Variants in CCDC122 observed in about 807,000 individuals in gnomAD.
CCDC122 encodes the protein coiled-coil domain containing 122.
In CCDC122, 38 loss-of-function variants were observed where a neutral mutation model predicts 37.0. That is an observed-to-expected ratio of 1.03 (90% CI 0.79 to 1.35). The LOEUF (loss-of-function observed/expected upper bound fraction) is 1.35, where lower values mean the gene tolerates loss of function less well. CCDC122 is among the 40% of genes most tolerant of loss of function. The pLI is 0.00. For missense variants in CCDC122, 305 were observed against 310.0 expected (o/e 0.98, Z 0.12); for synonymous variants, 83 against 95.6 (o/e 0.87, Z 0.77).
chr13:43,855,515 G>A (rs1331201437), intron 6 of CCDC122: 1 of 151,982 alleles, frequency 6.6e-6, no homozygotes, highest in African/African-American at 2.4e-5. Context: ...TCATGGATAG[G>A]AAGAATCAGT....
chr13:43,868,354 C>G (rs1594855489), intron 4 of CCDC122, among the ~76,000 whole-genome samples: 1 of 152,228 alleles, frequency 6.6e-6, no homozygotes, highest in East Asian at 1.9e-4. Context: ...AACTCACAAT[C>G]CATAGCTTTA....
intron 1 of CCDC122, among the ~76,000 whole-genome samples, chr13:43,876,534 C>T (rs113151222): frequency 6.6e-6 from 1 of 152,206 alleles, no homozygotes; most frequent in African/African-American, 2.4e-5. Context: ...AACCACTTAA[C>T]TCACTCTATT....
chr13:43,869,576 A>G (rs956753231), intron 2 of CCDC122, 87 bp from the exon 3 acceptor site: 10 of 509,356 alleles, frequency 2.0e-5, no homozygotes, highest in Non-Finnish European at 3.1e-5. Context: ...ACAATGGTTA[A>G]GTGATTTTGG....
At chr13:43,848,647 T>C (rs1000350601) in intron 6 of CCDC122, 9 of 177,306 alleles carry the variant, frequency 5.1e-5, no homozygotes, top group African/African-American at 2.1e-4. Flanking sequence ...TTGAAAAGGC[T>C]CTTTTCATTC....
At chr13:43,875,897 A>G (rs1954595371) in intron 1 of CCDC122, among the ~76,000 whole-genome samples, 1 of 152,242 alleles carries the variant, frequency 6.6e-6, no homozygotes, top group Admixed American at 6.5e-5. Context: ...CAAGGCCTGA[A>G]TAAATAGCTT....
intron 3 of CCDC122, among the ~76,000 whole-genome samples, chr13:43,825,381 G>A (rs896440175): frequency 6.6e-6 from 1 of 152,148 alleles, no homozygotes. Flanking sequence ...GATAGTACAG[G>A]GGACTCTAAA....
chr13:43,852,400 G>C (rs1174206145), intron 6 of CCDC122, among the ~76,000 whole-genome samples: 1 of 151,900 alleles, frequency 6.6e-6, no homozygotes, highest in African/African-American at 2.4e-5. Flanking sequence ...TCGAAGACTG[G>C]CTTTCTAAAA....
intron 6 of CCDC122, among the ~76,000 whole-genome samples, chr13:43,853,328 A>C (rs1490761326): frequency 6.6e-6 from 1 of 152,220 alleles, no homozygotes; most frequent in East Asian, 1.9e-4. Context: ...AAAAAAAATC[A>C]GGAGTTGCAA....
At chr13:43,852,286 C>A (rs1953764320) in intron 6 of CCDC122, among the ~76,000 whole-genome samples, 2 of 151,960 alleles carry the variant, frequency 1.3e-5, no homozygotes, top group South Asian at 4.2e-4. Context: ...TAGAAAAGAA[C>A]CTAAGTGACC....
chr13:43,858,748 TA>T, intron 6 of CCDC122, 32 bp downstream of exon 6: 1 of 1,325,572 alleles, frequency 7.5e-7, no homozygotes, highest in Admixed American at 2.9e-5. Context: ...AATGGTCCCA[TA>T]AAACATTGAA....
chr13:43,857,431 T>C (rs1224814160), intron 6 of CCDC122, among the ~76,000 whole-genome samples: 2 of 143,622 alleles, frequency 1.4e-5, no homozygotes, highest in African/African-American at 5.1e-5. Context: ...TTATCCTATG[T>C]TGTATTCAAT....
chr13:43,819,307 T>C (rs1219560324), downstream of CCDC122, among the ~76,000 whole-genome samples: 1 of 152,194 alleles, frequency 6.6e-6, no homozygotes. Context: ...TGTGTGTATG[T>C]ATGTTTTCAG....
chr13:43,871,296 C>T (rs1954444152), intron 2 of CCDC122, among the ~76,000 whole-genome samples: 1 of 152,024 alleles, frequency 6.6e-6, no homozygotes, highest in African/African-American at 2.4e-5. Flanking sequence ...TCCAACAGAC[C>T]TCCAATGGCC....
intron 6 of CCDC122, chr13:43,855,380 C>CAT (rs1349068701): frequency 1.3e-5 from 2 of 151,910 alleles, no homozygotes; most frequent in African/African-American, 2.4e-5. Flanking sequence ...CACACACACA[C>CAT]ACACACACAC....
intron 6 of CCDC122, chr13:43,848,636 T>C (rs1234348677): frequency 2.3e-5 from 4 of 170,236 alleles, no homozygotes; most frequent in African/African-American, 9.6e-5. Context: ...GGAATAAATA[T>C]TTGAAAAGGC....
intron 6 of CCDC122, chr13:43,855,366 CACACA>C (rs1240092624): frequency 1.4e-4 from 6 of 42,648 alleles, no homozygotes; most frequent in Non-Finnish European, 3.7e-4. Flanking sequence ...ACAGTTGCCA[CACACA>C]CACACACACA....
downstream of CCDC122, among the ~76,000 whole-genome samples, chr13:43,834,258 G>A (rs960467843): frequency 2.0e-5 from 3 of 152,166 alleles, no homozygotes; most frequent in Admixed American, 2.0e-4. Flanking sequence ...CTAGCCATAT[G>A]TAGAAAGCTG....
At chr13:43,859,592 CA>C in intron 5 of CCDC122, 79 bp downstream of exon 5, 1 of 1,124,422 alleles carries the variant, frequency 8.9e-7, no homozygotes, top group Non-Finnish European at 1.2e-6. Flanking sequence ...ATTAACTTCA[CA>C]ATAAATTTAT....
downstream of CCDC122, among the ~76,000 whole-genome samples, chr13:43,834,225 A>C (rs1566938265): frequency 6.6e-6 from 1 of 152,252 alleles, no homozygotes; most frequent in Non-Finnish European, 1.5e-5. Flanking sequence ...TCCCTATTTA[A>C]TAAATGGTGC....
Sources: allele counts gnomAD v4.1 joint callset (sites outside exome capture counted in the v4.1 genomes callset), GRCh38; gene constraint gnomAD v4.1.1; transcripts MANE v1.5; gene names NCBI Gene and HGNC (gene_info 2026-07-23, HGNC 2026-07-21).